The following COX10 variants were observed in gnomAD, a reference collection of about 807,000 sequenced individuals.
COX10 encodes the protein protoheme IX farnesyltransferase, mitochondrial.
In COX10, 27 loss-of-function variants were observed where a neutral mutation model predicts 37.3. The ratio of observed to expected loss-of-function variants is 0.72; its 90% CI spans 0.53 to 1.00. COX10 has a LOEUF of 1.00. COX10 is among the 50% of genes least tolerant of loss of function. The probability of loss-of-function intolerance (pLI) is 0.00; values close to 1 mark genes in which losing one functional copy is unlikely to be tolerated. For missense variants in COX10, 475 were observed against 563.2 expected, an observed-to-expected ratio of 0.84 and a Z score of 1.59; for synonymous variants, 222 against 229.1, an observed-to-expected ratio of 0.97 and a Z score of 0.28.
chr17:14,122,864 A>G (rs561258549), intron 4 of COX10, among the ~76,000 whole-genome samples: 2 of 152,288 alleles, frequency 1.3e-5, no homozygotes, highest in South Asian at 2.1e-4. Context: ...ACCCAAAGAA[A>G]CCAAGATAAT....
At chr17:14,088,828 T>A (rs775901675) in intron 3 of COX10, among the ~76,000 whole-genome samples, 1 of 152,168 alleles carries the variant, frequency 6.6e-6, no homozygotes, top group East Asian at 1.9e-4. Context: ...TAGCTTGTGG[T>A]TTTTGTCCTC....
At chr17:14,168,942 G>A (rs1317941607) in intron 5 of COX10, among the ~76,000 whole-genome samples, 2 of 152,194 alleles carry the variant, frequency 1.3e-5, no homozygotes, top group Admixed American at 6.5e-5. Flanking sequence ...TTTTCTGCAG[G>A]CAGCTTGAAT....
In COX10 at chr17:14,129,482, A is replaced by C. The variant is rs1000794441; in HGVS notation, c.624+27240A>C. Among the ~76,000 whole-genome samples the C allele has an allele frequency of 9.2e-5, 14 of 152,046 alleles. No homozygotes were observed. In the East Asian group the frequency reaches 1.5e-3, roughly 17 times the overall value. Reference sequence around the variant, plus strand: ...ACACATTCTGTCTGAATCAGTTAAAACTTCCCGTAGTATTTATGTCTTTTG... The same window carrying C: ...ACACATTCTGTCTGAATCAGTTAAACCTTCCCGTAGTATTTATGTCTTTTG... On this transcript the variant is annotated intron_variant, in intron 4 of 6. Coordinates refer to ENST00000261643, the MANE Select transcript of COX10 (RefSeq NM_001303.4).
chr17:14,089,729 T>C (rs1476669735), intron 3 of COX10, among the ~76,000 whole-genome samples: 1 of 152,228 alleles, frequency 6.6e-6, no homozygotes, highest in African/African-American at 2.4e-5. Context: ...GTTCTCAAAC[T>C]TCATATGCCT....
At chr17:14,157,178 A>T (rs1905058955) in intron 4 of COX10, among the ~76,000 whole-genome samples, 2 of 152,234 alleles carry the variant, frequency 1.3e-5, no homozygotes, top group African/African-American at 4.8e-5. Flanking sequence ...CCTTAAAAAC[A>T]GGTACAGGCT....
In COX10 at chr17:14,159,966, G is replaced by T; in HGVS notation, c.695+19G>T. ...AGATCAGGTAAAATCACGAATACAA[G>T]TGTCTTCCACATTATAAAACATTCA... On this transcript the variant is annotated intron_variant, in intron 5 of 6. Coordinates refer to ENST00000261643, the MANE Select transcript of COX10 (RefSeq NM_001303.4). The T allele has an allele frequency of 6.3e-7, 1 of 1,599,958 alleles. No homozygotes were observed. The highest frequency in any genetic ancestry group is 2.2e-5 in the East Asian group (1 of 44,738).
rs551562401 is a variant in COX10 at position 14,175,083 on chromosome 17, CGGGGG to C, written c.695+15146_695+15150del. Among the ~76,000 whole-genome samples the C allele has an allele frequency of 3.1e-4, 5 of 16,366 alleles. 2 individuals are homozygous for C. The highest frequency in any genetic ancestry group is 4.7e-4 in the African/African-American group (5 of 10,726). The allele number at this position is 16,366 out of a possible 152,430, so 10.7% of individuals were successfully genotyped here. A position where few individuals can be genotyped will look rare whatever the true frequency, so the allele number is the denominator to read the frequency against. Reference sequence around the variant, plus strand: ...AAGATCAGTGGTTACTGGGAAATAGCGGGGGGGGGGGGGGTGGATAGGAGGGAATT... The same window carrying C: ...AAGATCAGTGGTTACTGGGAAATAGCGGGGGGGGGTGGATAGGAGGGAATT... On this transcript the variant is annotated intron_variant, in intron 5 of 6. Transcript: ENST00000261643.
chr17:14,076,772 T>C lies in COX10; in HGVS notation c.215T>C (p.Val72Ala), dbSNP rs769555290. 3 of 1,614,102 alleles carry C rather than the reference T, an allele frequency of 1.9e-6. No homozygotes were observed. The South Asian group carries it at 3.3e-5, about 18-fold the overall frequency. Residue 72 changes from valine (V) to alanine (A), a missense_variant, in exon 3 of 7, where the codon GTA (valine) becomes GCA (alanine). Transcript: ENST00000261643. The part of the protein sequence containing the change: ...TQLNRSHNQQ[V>A]RPKPEPVASP... Reference sequence around the variant, plus strand: ...CTGAACAGAAGCCACAACCAGCAAGTAAGACCCAAGCCAGAACCAGTAGCA... The same window carrying C: ...CTGAACAGAAGCCACAACCAGCAAGCAAGACCCAAGCCAGAACCAGTAGCA...
chr17:14,113,368 A>G (rs1916046405), intron 4 of COX10, among the ~76,000 whole-genome samples: 2 of 152,070 alleles, frequency 1.3e-5, no homozygotes, highest in African/African-American at 2.4e-5. Context: ...CATTGGGTTG[A>G]ACTTGTCTTG....
chr17:14,148,412 C>T (rs1284486972), intron 4 of COX10, among the ~76,000 whole-genome samples: 1 of 152,126 alleles, frequency 6.6e-6, no homozygotes, highest in Non-Finnish European at 1.5e-5. Flanking sequence ...AGGTGCCTCT[C>T]CCTGTGCTTT....
chr17:14,093,998 G>A (rs1358371163), intron 3 of COX10, among the ~76,000 whole-genome samples: 1 of 152,192 alleles, frequency 6.6e-6, no homozygotes, highest in African/African-American at 2.4e-5. Flanking sequence ...GTTGAAGGCT[G>A]CTGTGAGCTC....
chr17:14,141,529 CA>C (rs71147842), intron 4 of COX10, among the ~76,000 whole-genome samples: 27,243 of 67,710 alleles, frequency 0.4, 1,801 homozygotes, highest in Admixed American at 0.46. Context: ...GTCCCTGTCT[CA>C]AAAAAAAAAA....
rs1915168467 is a variant in COX10 at position 14,076,931 on chromosome 17, C to T, written c.374C>T (p.Ser125Leu). The change falls in exon 3 of 7, where the codon TCA (serine) becomes TTA (leucine). Residue 125 changes from serine to leucine, a missense_variant. Around this residue, in one of 5 missense-constraint regions of COX10, gnomAD observed 242 missense variants for 242.5 expected, o/e 1.00. Coordinates refer to ENST00000261643, the MANE Select transcript of COX10 (RefSeq NM_001303.4). ...GAATTGATAGAACTAGAGCCAGACT[C>T]AGTAATTGAAGACTCAATAGATGTA... Reference protein sequence around the residue: ...EKELIELEPDSVIEDSIDVGK... With the variant: ...EKELIELEPDLVIEDSIDVGK... 6.2e-7 allele frequency: 1 copy of T among 1,614,004 alleles called. No homozygotes were observed. The highest frequency in any genetic ancestry group is 8.5e-7 in the Non-Finnish European group (1 of 1,180,046).
chr17:14,116,995 T>A (rs1190017354), intron 4 of COX10, among the ~76,000 whole-genome samples: 1 of 152,246 alleles, frequency 6.6e-6, no homozygotes. Flanking sequence ...CTTTTCATGT[T>A]ATTTATCTTA....
intron 1 of COX10, among the ~76,000 whole-genome samples, chr17:14,072,109 A>G (rs1915037655): frequency 6.6e-6 from 1 of 152,318 alleles, no homozygotes; most frequent in Non-Finnish European, 1.5e-5. Context: ...TTCAGTTTCT[A>G]GGCACTGATT....
Position 14,192,653 on chromosome 17 carries a change from G to A in COX10, c.928+432G>A, listed in dbSNP as rs560216267. On this transcript the variant is annotated intron_variant, in intron 6 of 6. Transcript: ENST00000261643. ...TCCTGTGTTCCCCTCTTATGAAAGG[G>A]CAGATTATTTTCATTAGTTTCTAAT... Among the ~76,000 whole-genome samples the A allele has an allele frequency of 4.5e-3, 682 of 152,216 alleles. 3 individuals carry two copies. Among genetic ancestry groups the A allele is most frequent in the Non-Finnish European group, 8.3e-3 (563 of 68,018 alleles).
At chr17:14,196,192 C>T (rs1453045667) in intron 6 of COX10, among the ~76,000 whole-genome samples, 1 of 152,164 alleles carries the variant, frequency 6.6e-6, no homozygotes, top group East Asian at 1.9e-4. Context: ...CAACTGGGGA[C>T]CTACTGTTTG....
At chr17:14,087,700 T>G (rs1915440736) in intron 3 of COX10, among the ~76,000 whole-genome samples, 1 of 152,018 alleles carries the variant, frequency 6.6e-6, no homozygotes. Flanking sequence ...TTTTTTTTTT[T>G]TAAACCATGT....
At chr17:14,114,751 T>C (rs1916074770) in intron 4 of COX10, among the ~76,000 whole-genome samples, 1 of 152,152 alleles carries the variant, frequency 6.6e-6, no homozygotes, top group African/African-American at 2.4e-5. Flanking sequence ...TCTTAAGTTA[T>C]GGTAATTAGG....
Sources: gnomAD v4.1 joint callset for allele counts (sites outside exome capture counted in the v4.1 genomes callset) on GRCh38, gnomAD v4.1.1 for gene constraint, gnomAD v4.1.1 regional missense constraint, MANE v1.5 for transcripts, NCBI Gene and HGNC (gene_info 2026-07-23, HGNC 2026-07-21) for gene names.